The following ELP6 variants were observed in gnomAD, a reference collection of about 807,000 sequenced individuals.
ELP6 encodes elongator complex protein 6.
In ELP6, 23 loss-of-function variants were observed where a neutral mutation model predicts 28.1. The observed-to-expected ratio is 0.82, with a 90% CI of 0.59 to 1.16. The LOEUF is 1.16. ELP6 is among the 50% of genes most tolerant of loss of function. The probability of loss-of-function intolerance (pLI) is 0.00; values close to 1 mark genes in which losing one functional copy is unlikely to be tolerated. For synonymous variants in ELP6, 132 were observed against 135.8 expected (o/e 0.97, Z 0.19); for missense variants, 313 against 334.6 (o/e 0.94, Z 0.50).
chr3:47,504,576 AG>A, intron 3 of ELP6, 128 bp from the exon 4 acceptor site: 1 of 1,311,272 alleles, frequency 7.6e-7, no homozygotes, highest in Non-Finnish European at 9.7e-7. Context: ...CCCAATGTAC[AG>A]GCCTGTCTTC....
intron 3 of ELP6, among the ~76,000 whole-genome samples, chr3:47,507,953 C>A (rs76988467): frequency 1.6e-5 from 1 of 63,710 alleles, no homozygotes; most frequent in Non-Finnish European, 4.0e-5. Context: ...GAAAAAGTAG[C>A]CAGTTTAGAT....
intron 6 of ELP6, chr3:47,496,681 G>C (rs908747837): frequency 2.2e-5 from 16 of 716,310 alleles, no homozygotes; most frequent in Non-Finnish European, 2.7e-5. Context: ...TTTTAGTAGA[G>C]GCGGGGTTTC....
intron 1 of ELP6, chr3:47,512,509 C>T: frequency 1.4e-6 from 1 of 714,582 alleles, no homozygotes; most frequent in Non-Finnish European, 1.7e-6. Flanking sequence ...CGAGATCGCG[C>T]CAGTGCACTC....
chr3:47,495,840 C>T lies in ELP6; in HGVS notation c.*229G>A. ...GACCCCTTTCACTTGGGTCTAGCAT[C>T]CAGCCTCTCTCTCAGCAAAGGCAGG... On this transcript the variant is annotated 3_prime_UTR_variant, in exon 7 of 7. Transcript: ENST00000296149. 5.0e-6 allele frequency: 3 copies of T among 595,528 alleles called. No homozygotes were observed. The highest frequency in any genetic ancestry group is 4.0e-5 in the East Asian group (1 of 25,252). 36.9% of individuals were successfully genotyped at this position (595,528 alleles called of 1,614,324 possible).
intron 4 of ELP6, 131 bp from the exon 5 acceptor site, chr3:47,501,982 A>G: frequency 3.6e-6 from 3 of 840,884 alleles, no homozygotes; most frequent in Non-Finnish European, 5.6e-6. Flanking sequence ...CAAAGACTTC[A>G]TGATCTGGTT....
At chr3:47,503,949 G>GAAACAAAAC (rs1708746760) in intron 4 of ELP6, among the ~76,000 whole-genome samples, 1 of 152,104 alleles carries the variant, frequency 6.6e-6, no homozygotes, top group Non-Finnish European at 1.5e-5. Context: ...TAAAAAATAT[G>GAAACAAAAC]AAACAAAACA....
At chr3:47,513,433 C>A (rs956941111) in intron 1 of ELP6, 104 bp downstream of exon 1, 10 of 1,534,410 alleles carry the variant, frequency 6.5e-6, no homozygotes, top group African/African-American at 4.2e-5. Context: ...TACCCCGTGC[C>A]GGGTCGTCGC....
chr3:47,503,554 C>T, intron 4 of ELP6: 1 of 569,946 alleles, frequency 1.8e-6, no homozygotes. Context: ...AACATGCAAA[C>T]AAATGAACGT....
chr3:47,498,834 GAGAC>G (rs1708555358), intron 5 of ELP6: 1 of 384,482 alleles, frequency 2.6e-6, no homozygotes, highest in Non-Finnish European at 3.6e-6. Flanking sequence ...ATGGGCCCAG[GAGAC>G]AGACAGATGC....
In ELP6 at chr3:47,497,329, A is replaced by T. The variant is rs115239296; in HGVS notation, c.672+957T>A. The T allele has an allele frequency of 1.1e-3, 1,045 of 985,034 alleles. 8 individuals carry two copies. In the African/African-American group the frequency reaches 0.017, roughly 16 times the overall value. The allele number at this position is 985,034 out of a possible 1,614,324, so 61.0% of individuals were successfully genotyped here. A position where few individuals can be genotyped will look rare whatever the true frequency, so the allele number is the denominator to read the frequency against. ...CCTGGTCCACGGGTACGGCCTCCCC[A>T]AGTCGTTTTTCTTTTTTCTTTTTTT... On this transcript the variant is annotated intron_variant, in intron 6 of 6. Coordinates refer to ENST00000296149, the MANE Select transcript of ELP6 (RefSeq NM_001031703.3).
intron 5 of ELP6, chr3:47,498,693 G>A (rs1243184686): frequency 1.0e-6 from 1 of 985,198 alleles, no homozygotes; most frequent in East Asian, 1.1e-4. Flanking sequence ...TTCAAAATTA[G>A]CTCAATCTCC....
chr3:47,501,606 T>C, intron 5 of ELP6, 44 bp downstream of exon 5: 1 of 1,590,196 alleles, frequency 6.3e-7, no homozygotes, highest in Middle Eastern at 1.7e-4. Context: ...GTCTGAGTTC[T>C]TGGAGGTCAC....
intron 5 of ELP6, chr3:47,500,090 A>G (rs565490958): frequency 8.2e-7 from 1 of 1,215,474 alleles, no homozygotes; most frequent in Non-Finnish European, 1.0e-6. Context: ...TGTGAACGGC[A>G]GAAAGGAGGG....
At position 47,501,668 on chromosome 3, in the gene ELP6, G is replaced by A. The variant is rs148244740; in HGVS notation, c.507C>T (p.Thr169=). The change falls in exon 5 of 7, where the codon ACC becomes ACT. Residue 169 remains threonine (T), a synonymous_variant. Coordinates refer to ENST00000296149, the MANE Select transcript of ELP6 (RefSeq NM_001031703.3). ...TGAGTACCTTTAGTTCCCAGCACAC[G>A]GTGGCTCTGCAGTAGTGAATGAAGT... is the stretch of plus-strand genomic sequence containing the variant. ...VLDFIHYCRA[T]VCWELKGNMV... is the part of the protein sequence containing the mutation. 1.9e-5 allele frequency: 31 copies of A among 1,613,918 alleles called. No individual in the cohort carries two copies. The highest frequency in any genetic ancestry group is 1.6e-4 in the Middle Eastern group (1 of 6,062).
chr3:47,502,063 T>C (rs1708678407), intron 4 of ELP6, among the ~76,000 whole-genome samples: 1 of 152,166 alleles, frequency 6.6e-6, no homozygotes, highest in Non-Finnish European at 1.5e-5. Context: ...TATAAAGCAC[T>C]GTGTTAGAAA....
intron 3 of ELP6, among the ~76,000 whole-genome samples, chr3:47,508,238 T>G (rs1708903967): frequency 6.6e-6 from 1 of 152,202 alleles, no homozygotes; most frequent in African/African-American, 2.4e-5. Flanking sequence ...TTTTTATTTT[T>G]ATGTATGTAT....
At position 47,511,164 on chromosome 3, in the gene ELP6, G is replaced by A. The variant is rs756894975; in HGVS notation, c.117C>T (p.Leu39=). The change falls in exon 2 of 7, where the codon CTC becomes CTT. Residue 39 remains leucine, a synonymous_variant. Transcript: ENST00000296149. ...GTCCCATACCTTTGAGATAGAAGGA[G>A]AGAAAGTGGTGTACAAGGAAACTCC... is the stretch of plus-strand genomic sequence containing the variant. ...TDGSFLVHHF[L]SFYLKANCKV... The A allele has an allele frequency of 6.2e-7, 1 of 1,614,020 alleles. No homozygotes were observed. The highest frequency in any genetic ancestry group is 8.5e-7 in the Non-Finnish European group (1 of 1,179,896).
Position 47,504,409 on chromosome 3 carries a change from C to T in ELP6, c.244G>A (p.Val82Met), listed in dbSNP as rs750521711. The T allele has an allele frequency of 7.5e-6, 12 of 1,609,252 alleles. No individual in the cohort carries two copies. Among genetic ancestry groups the T allele is most frequent in the Non-Finnish European group, 1.0e-5 (12 of 1,177,386 alleles). ...LTMARERGQL[V>M]FLEGLKSAVD... The stretch of plus-strand genomic sequence containing the variant: ...GCAGACTTGAGTCCCTCAAGGAACA[C>T]AAGCTGCCCACGCTCCCGCGCCATG... The change falls in exon 4 of 7, where the codon GTG (valine) becomes ATG (methionine). Residue 82 changes from valine (V) to methionine (M), a missense_variant. Val to Met is a conservative substitution (Grantham distance 21). Coordinates refer to ENST00000296149, the MANE Select transcript of ELP6 (RefSeq NM_001031703.3).
chr3:47,497,984 G>A lies in ELP6; in HGVS notation c.672+302C>T, dbSNP rs116669823. ...TAGACGACGCCTGCTGCAGTACTGCGGAGGAATTTTGCTGTTATTTGATGG... is the reference window on the plus strand; with the variant it reads ...TAGACGACGCCTGCTGCAGTACTGCAGAGGAATTTTGCTGTTATTTGATGG... On this transcript the variant is annotated intron_variant, in intron 6 of 6. Coordinates refer to ENST00000296149, the MANE Select transcript of ELP6 (RefSeq NM_001031703.3). The A allele has an allele frequency of 7.6e-4, 751 of 985,226 alleles. 8 individuals carry two copies. The African/African-American group carries it at 0.012, about 16-fold the overall frequency. 61.0% of individuals were successfully genotyped at this position (985,226 alleles called of 1,614,324 possible). A position where few individuals can be genotyped will look rare whatever the true frequency, so the allele number is the denominator to read the frequency against.
Sources: gnomAD v4.1 joint callset for allele counts (sites outside exome capture counted in the v4.1 genomes callset) on GRCh38, gnomAD v4.1.1 for gene constraint, MANE v1.5 for transcripts, NCBI Gene and HGNC (gene_info 2026-07-23, HGNC 2026-07-21) for gene names.